CSMD1: variants seen among roughly 807,000 people sequenced by gnomAD.
The protein encoded by CSMD1 is CUB and Sushi multiple domains 1.
A neutral mutation model predicts 417.5 loss-of-function variants in CSMD1; 213 were observed. That is an observed-to-expected ratio of 0.51 (90% CI 0.46 to 0.57). The LOEUF (loss-of-function observed/expected upper bound fraction) is 0.57. CSMD1 is among the 20% of genes least tolerant of loss of function. The probability of loss-of-function intolerance (pLI) is 0.00; values close to 1 mark genes in which losing one functional copy is unlikely to be tolerated. For synonymous variants in CSMD1, 2,862 were observed against 1,736.8 expected, an observed-to-expected ratio of 1.65 and a Z score of -16.11; for missense variants, 6,923 against 4,529.7, an observed-to-expected ratio of 1.53 and a Z score of -15.17.
At chr8:4,203,167 T>A in intron 3 of CSMD1, among the ~76,000 whole-genome samples, 1 of 152,298 alleles carries the variant, frequency 6.6e-6, no homozygotes, top group Admixed American at 6.5e-5. Flanking sequence ...CAGAGGGACA[T>A]GTCATTTAAA....
At chr8:3,397,844 C>G (rs1472457944) in intron 16 of CSMD1, among the ~76,000 whole-genome samples, 1 of 152,162 alleles carries the variant, frequency 6.6e-6, no homozygotes, top group Non-Finnish European at 1.5e-5. Flanking sequence ...CACCGCCTGG[C>G]AATACCATCA....
At chr8:3,727,873 T>C (rs765782460) in intron 6 of CSMD1, among the ~76,000 whole-genome samples, 1 of 152,064 alleles carries the variant, frequency 6.6e-6, no homozygotes. Context: ...AAAGGACAAA[T>C]ACTGTATGAT....
chr8:3,711,273 G>C (rs954224807), intron 6 of CSMD1, among the ~76,000 whole-genome samples: 2 of 152,118 alleles, frequency 1.3e-5, no homozygotes, highest in African/African-American at 4.8e-5. Context: ...GTTGTCATCA[G>C]AGCCATGAAT....
chr8:4,836,425 G>A (rs540132691), intron 1 of CSMD1, among the ~76,000 whole-genome samples: 40 of 152,288 alleles, frequency 2.6e-4, no homozygotes, highest in African/African-American at 9.1e-4. Context: ...CAGCCAGGGG[G>A]AAGAGATTTG....
At chr8:3,280,622 C>G (rs78637374) in intron 26 of CSMD1, among the ~76,000 whole-genome samples, 10 of 152,160 alleles carry the variant, frequency 6.6e-5, no homozygotes, top group East Asian at 1.9e-4. Context: ...CCAAGTGTTA[C>G]GTGAAACCAT....
At chr8:4,168,969 A>T (rs1797612499) in intron 3 of CSMD1, among the ~76,000 whole-genome samples, 3 of 152,072 alleles carry the variant, frequency 2.0e-5, no homozygotes, top group Admixed American at 1.3e-4. Flanking sequence ...TGCTATCCTC[A>T]GGCCGTTCTC....
At chr8:4,839,042 T>C (rs1290638174) in intron 1 of CSMD1, among the ~76,000 whole-genome samples, 1 of 152,146 alleles carries the variant, frequency 6.6e-6, no homozygotes, top group African/African-American at 2.4e-5. Flanking sequence ...CTTTTTGGAA[T>C]TGGTTTTTTG....
At chr8:4,267,883 T>C (rs1166374537) in intron 3 of CSMD1, among the ~76,000 whole-genome samples, 1 of 152,162 alleles carries the variant, frequency 6.6e-6, no homozygotes, top group Non-Finnish European at 1.5e-5. Flanking sequence ...ATTAAATTTT[T>C]TTTAAACACT....
At chr8:3,025,913 TAATA>T (rs1236586252) in intron 51 of CSMD1, among the ~76,000 whole-genome samples, 1 of 152,166 alleles carries the variant, frequency 6.6e-6, no homozygotes, top group Non-Finnish European at 1.5e-5. Flanking sequence ...TTTAAAATAA[TAATA>T]GTTTTTAATG....
intron 65 of CSMD1, among the ~76,000 whole-genome samples, 182 bp from the exon 66 acceptor site, chr8:2,951,457 G>A (rs1413179161): frequency 6.6e-6 from 1 of 152,304 alleles, no homozygotes; most frequent in Admixed American, 6.5e-5. Flanking sequence ...AGAAGCAGGT[G>A]CGAAGATTAT....
intron 41 of CSMD1, among the ~76,000 whole-genome samples, chr8:3,126,716 A>G (rs767986617): frequency 1.2e-4 from 18 of 152,128 alleles, no homozygotes; most frequent in Non-Finnish European, 2.1e-4. Context: ...CTGCCTAATT[A>G]TGCTCCATTT....
At position 4,412,873 on chromosome 8, in the gene CSMD1, G is replaced by C. The variant is rs562897871; in HGVS notation, c.415+7080C>G. On this transcript the variant is annotated intron_variant, in intron 3 of 69. Coordinates refer to ENST00000635120, the MANE Select transcript of CSMD1 (RefSeq NM_033225.6). ...AATGCCTGCTCAAACAAGGAATTCA[G>C]AACAAGAAAAAGAAAGACATAAGAT... 2.6e-5 allele frequency among the ~76,000 whole-genome samples: 4 copies of C among 152,204 alleles called. No individual in the cohort carries two copies. The East Asian group carries it at 5.8e-4, about 22-fold the overall frequency.
chr8:4,599,402 G>A (rs542711455), intron 2 of CSMD1, among the ~76,000 whole-genome samples: 2 of 151,818 alleles, frequency 1.3e-5, no homozygotes, highest in Admixed American at 1.3e-4. Context: ...GAGAATGCAA[G>A]GAGGAAAATT....
chr8:3,232,838 C>G (rs1264379106), intron 26 of CSMD1, among the ~76,000 whole-genome samples: 1 of 151,782 alleles, frequency 6.6e-6, no homozygotes, highest in African/African-American at 2.4e-5. Flanking sequence ...AGTAGACTTT[C>G]TAGAAATTTC....
intron 3 of CSMD1, among the ~76,000 whole-genome samples, chr8:4,323,757 C>A (rs992101118): frequency 2.6e-5 from 4 of 152,154 alleles, no homozygotes; most frequent in Admixed American, 2.6e-4. Context: ...CAAATATCCC[C>A]CCCTTCCCCT....
At chr8:3,361,267 C>G (rs2117721282) in intron 20 of CSMD1, among the ~76,000 whole-genome samples, 1 of 152,198 alleles carries the variant, frequency 6.6e-6, no homozygotes, top group East Asian at 1.9e-4. Context: ...TGTTATCATT[C>G]TACTTCTATC....
At chr8:3,036,302 C>T (rs1810671309) in intron 50 of CSMD1, among the ~76,000 whole-genome samples, 1 of 152,256 alleles carries the variant, frequency 6.6e-6, no homozygotes, top group South Asian at 2.1e-4. Flanking sequence ...CCTTCTCTCT[C>T]AAAAATTTCA....
chr8:3,037,421 G>C (rs1446287506), intron 50 of CSMD1, among the ~76,000 whole-genome samples: 3 of 151,816 alleles, frequency 2.0e-5, no homozygotes, highest in African/African-American at 4.8e-5. Flanking sequence ...TGTTAGCCAG[G>C]GTGGTCTGGA....
intron 2 of CSMD1, among the ~76,000 whole-genome samples, chr8:4,590,501 T>A (rs1799932423): frequency 1.3e-5 from 2 of 152,182 alleles, no homozygotes; most frequent in Non-Finnish European, 2.9e-5. Flanking sequence ...TAGCTTTATT[T>A]CATATATTTG....
Sources: gnomAD v4.1 joint callset for allele counts (sites outside exome capture counted in the v4.1 genomes callset) on GRCh38, gnomAD v4.1.1 for gene constraint, MANE v1.5 for transcripts, NCBI Gene and HGNC (gene_info 2026-07-23, HGNC 2026-07-21) for gene names.